Variants in RPAP2 observed in about 807,000 individuals in gnomAD.
The protein encoded by RPAP2 is putative RNA polymerase II subunit B1 CTD phosphatase RPAP2.
Under a neutral mutation model 73.1 loss-of-function variants are expected in RPAP2, and 52 were observed. The ratio of observed to expected loss-of-function variants is 0.71; its 90% CI spans 0.57 to 0.90. The LOEUF (loss-of-function observed/expected upper bound fraction) is 0.90, where lower values mean the gene tolerates loss of function less well. Ranked by LOEUF, RPAP2 falls within the 40% of genes least tolerant of loss-of-function variation. The pLI, the probability that RPAP2 is intolerant of heterozygous loss-of-function variation, is 0.00. For synonymous variants in RPAP2, 225 were observed against 242.1 expected (o/e 0.93, Z 0.65); for missense variants, 598 against 701.8 (o/e 0.85, Z 1.67).
chr1:92,337,464 C>T (rs1223977698), intron 10 of RPAP2, among the ~76,000 whole-genome samples: 1 of 152,074 alleles, frequency 6.6e-6, no homozygotes, highest in African/African-American at 2.4e-5. Context: ...ATCTAGAATT[C>T]ATAGTTTAAG....
Position 92,380,848 on chromosome 1 carries a change from T to G in RPAP2, c.1813T>G (p.Phe605Val). 1.9e-6 allele frequency: 3 copies of G among 1,589,484 alleles called. No homozygotes were observed. Among genetic ancestry groups the G allele is most frequent in the Non-Finnish European group, 2.6e-6 (3 of 1,171,950 alleles). ...AGACCTTGAAAGTCTAACCATCATA[T>G]TTAGAACCAGCTGTTTACCAGAGTG... ...NEDLESLTII[F>V]RTSCLPE The change falls in exon 12 of 13, where the codon TTT becomes GTT. Residue 605 changes from phenylalanine (F) to valine (V), a missense_variant. Physicochemically the swap from Phe to Val is conservative, Grantham distance 50. Coordinates refer to ENST00000610020, the MANE Select transcript of RPAP2 (RefSeq NM_024813.3).
In RPAP2 at chr1:92,383,627, C is replaced by A. The variant is rs562200862; in HGVS notation, c.1838+2754C>A. ...TGTACATTGATTTTGTATCCTGAGA[C>A]TTTGCTGAAGTTGCTTATCAGCTTG... is the stretch of plus-strand genomic sequence containing the variant. On this transcript the variant is annotated intron_variant, in intron 12 of 12. Coordinates refer to ENST00000610020, the MANE Select transcript of RPAP2 (RefSeq NM_024813.3). 5.5e-3 allele frequency among the ~76,000 whole-genome samples: 842 copies of A among 152,242 alleles called. 6 individuals are homozygous for A. The highest frequency in any genetic ancestry group is 0.013 in the South Asian group (64 of 4,828).
At chr1:92,377,621 G>A (rs7535181) in intron 11 of RPAP2, among the ~76,000 whole-genome samples, 15,755 of 151,446 alleles carry the variant, frequency 0.1, 2,361 homozygotes, top group African/African-American at 0.34. Flanking sequence ...AGCCAGCCCT[G>A]AACAGTTGAA....
rs184242815 is a variant in RPAP2 at position 92,348,324 on chromosome 1, T to G, written c.1688+2410T>G. ...TTCCTTCTCCTAGTCATTGGTCAAC[T>G]GGACAACTAAAATCTTCCCCAGTTA... On this transcript the variant is annotated intron_variant, in intron 11 of 12. Coordinates refer to ENST00000610020, the MANE Select transcript of RPAP2 (RefSeq NM_024813.3). Among the ~76,000 whole-genome samples the G allele has an allele frequency of 3.3e-3, 500 of 152,384 alleles. 7 individuals are homozygous for G. Among genetic ancestry groups the G allele is most frequent in the Non-Finnish European group, 4.4e-3 (296 of 68,038 alleles).
chr1:92,339,858 T>A (rs1178714066), intron 10 of RPAP2, among the ~76,000 whole-genome samples: 5 of 152,146 alleles, frequency 3.3e-5, no homozygotes, highest in African/African-American at 1.2e-4. Context: ...TGGCTCTAAG[T>A]CCCTTCTAGT....
chr1:92,327,301 C>T (rs11166568), intron 8 of RPAP2, among the ~76,000 whole-genome samples: 131,367 of 152,154 alleles, frequency 0.86, 57,140 homozygotes, highest in East Asian at 1. Context: ...ATCTCATTTC[C>T]TAGGTCTCGT....
At chr1:92,330,969 AT>A in intron 8 of RPAP2, among the ~76,000 whole-genome samples, 1 of 152,290 alleles carries the variant, frequency 6.6e-6, no homozygotes, top group Middle Eastern at 3.4e-3. Context: ...GAGCATGCAC[AT>A]TAACATTTGA....
At chr1:92,380,664 A>G (rs1655589906) in intron 11 of RPAP2, 60 bp from the exon 12 acceptor site, 4 of 1,198,608 alleles carry the variant, frequency 3.3e-6, no homozygotes, top group Non-Finnish European at 4.5e-6. Context: ...TGTTGAAGAT[A>G]GGAGTCCCTT....
At position 92,323,819 on chromosome 1, in the gene RPAP2, C is replaced by CT; in HGVS notation, c.901dup (p.Ser301PhefsTer3). 1 of 1,614,024 alleles carries CT rather than the reference C, an allele frequency of 6.2e-7. No homozygotes were observed. The highest frequency in any genetic ancestry group is 2.2e-5 in the East Asian group (1 of 44,874). On this transcript the variant is annotated frameshift_variant, in exon 8 of 13. Coordinates refer to ENST00000610020, the MANE Select transcript of RPAP2 (RefSeq NM_024813.3). LOFTEE classifies it high-confidence loss of function. The stretch of plus-strand genomic sequence containing the variant: ...TTACAGAAAGTAAATACTCAGAGTT[C>CT]TTCAAATAGCACTTTGCCTGAAAGA...
At chr1:92,335,231 G>A (rs1653211325) in intron 9 of RPAP2, among the ~76,000 whole-genome samples, 1 of 152,136 alleles carries the variant, frequency 6.6e-6, no homozygotes, top group African/African-American at 2.4e-5. Context: ...TTATGCCACT[G>A]CACTCCAGCC....
In RPAP2 at chr1:92,389,653, G is replaced by T. The variant is rs1451610150; in HGVS notation, c.*2642G>T. ...AGGAAGCTAAAAATCTTGAAAAAAG[G>T]TTAGACAAATGGCTAACTAGAATAA... On this transcript the variant is annotated 3_prime_UTR_variant, in exon 13 of 13. Coordinates refer to ENST00000610020, the MANE Select transcript of RPAP2 (RefSeq NM_024813.3). 4 of 152,184 alleles carry T rather than the reference G, an allele frequency of 2.6e-5. No homozygotes were observed. 9.4% of individuals were successfully genotyped at this position (152,184 alleles called of 1,614,324 possible).
At chr1:92,343,837 T>C (rs1260500565) in intron 10 of RPAP2, among the ~76,000 whole-genome samples, 1 of 152,150 alleles carries the variant, frequency 6.6e-6, no homozygotes, top group African/African-American at 2.4e-5. Context: ...AGAGGGCAAG[T>C]TGTACTTTTT....
intron 8 of RPAP2, among the ~76,000 whole-genome samples, chr1:92,327,657 G>A (rs564328314): frequency 2.2e-4 from 34 of 151,152 alleles, no homozygotes; most frequent in Non-Finnish European, 4.4e-4. Context: ...TACATTCAAT[G>A]TTAGTATTGA....
intron 9 of RPAP2, among the ~76,000 whole-genome samples, chr1:92,335,127 G>C (rs925473735): frequency 6.6e-6 from 1 of 152,164 alleles, no homozygotes; most frequent in African/African-American, 2.4e-5. Flanking sequence ...GTTCTCCATA[G>C]TGGGTGTACT....
In RPAP2 at chr1:92,353,758, G is replaced by A. The variant is rs138734571; in HGVS notation, c.1688+7844G>A. On this transcript the variant is annotated intron_variant, in intron 11 of 12. Coordinates refer to ENST00000610020, the MANE Select transcript of RPAP2 (RefSeq NM_024813.3). ...AGCAATAATTAGATTATTTCTATACGTTCCCATACTTATTGCTGAGAGTTT... is the reference window on the plus strand; with the variant it reads ...AGCAATAATTAGATTATTTCTATACATTCCCATACTTATTGCTGAGAGTTT... 3.7e-4 allele frequency among the ~76,000 whole-genome samples: 56 copies of A among 152,070 alleles called. No homozygotes were observed. In the East Asian group the frequency reaches 9.5e-3, roughly 26 times the overall value.
rs377141963 is a variant in RPAP2 at position 92,392,762 on chromosome 1, G to A, written c.*5751G>A. 8.5e-5 allele frequency: 13 copies of A among 152,288 alleles called. No individual in the cohort carries two copies. In the East Asian group the frequency reaches 2.1e-3, roughly 25 times the overall value. The allele number at this position is 152,288 out of a possible 1,614,324, so 9.4% of individuals were successfully genotyped here. A position where few individuals can be genotyped will look rare whatever the true frequency, so the allele number is the denominator to read the frequency against. ...AATAATAGACAAAGAGCCAAATCAT[G>A]AGTGAACTCCCATTCACAATTGCTA... is the stretch of plus-strand genomic sequence containing the variant. On this transcript the variant is annotated 3_prime_UTR_variant, in exon 13 of 13. Transcript: ENST00000610020.
At chr1:92,321,825 A>T (rs1004607928) in intron 7 of RPAP2, among the ~76,000 whole-genome samples, 2 of 151,976 alleles carry the variant, frequency 1.3e-5, no homozygotes, top group Non-Finnish European at 2.9e-5. Context: ...TCTGTACAAC[A>T]ATCAACCAGA....
chr1:92,336,475 T>G, intron 10 of RPAP2, 48 bp downstream of exon 10: 1 of 1,313,528 alleles, frequency 7.6e-7, no homozygotes, highest in South Asian at 1.2e-5. Flanking sequence ...TTGACTTTAT[T>G]TATTGCCTTG....
intron 11 of RPAP2, among the ~76,000 whole-genome samples, chr1:92,356,434 T>C (rs1654465694): frequency 6.6e-6 from 1 of 152,092 alleles, no homozygotes; most frequent in African/African-American, 2.4e-5. Flanking sequence ...TTTTTATTTT[T>C]TGAGACAGAA....
Sources: allele counts gnomAD v4.1 joint callset (sites outside exome capture counted in the v4.1 genomes callset), GRCh38; gene constraint gnomAD v4.1.1; transcripts MANE v1.5; gene names NCBI Gene and HGNC (gene_info 2026-07-23, HGNC 2026-07-21).